The following HDAC9 variants were observed in gnomAD, a reference collection of about 807,000 sequenced individuals.
HDAC9 encodes histone deacetylase 9, also known as MEF-2 interacting transcription repressor (MITR) protein.
Under a neutral mutation model 139.4 loss-of-function variants are expected in HDAC9, and 41 were observed. That is an observed-to-expected ratio of 0.29 (90% CI 0.23 to 0.38). The LOEUF is 0.38. Ranked by LOEUF, HDAC9 falls within the 10% of genes least tolerant of loss-of-function variation. The probability of loss-of-function intolerance (pLI) is 1.00; values close to 1 mark genes in which losing one functional copy is unlikely to be tolerated. For synonymous variants in HDAC9, 517 were observed against 476.2 expected (o/e 1.09, Z -1.12); for missense variants, 1,147 against 1,297.0 (o/e 0.88, Z 1.78).
chr7:18,603,566 C>T (rs572154904), intron 6 of HDAC9, among the ~76,000 whole-genome samples: 1 of 152,032 alleles, frequency 6.6e-6, no homozygotes, highest in East Asian at 1.9e-4. Flanking sequence ...ATACAGGTAC[C>T]TTATAAAAGT....
At chr7:18,298,439 C>A (rs1289597674) in intron 1 of HDAC9, among the ~76,000 whole-genome samples, 1 of 152,070 alleles carries the variant, frequency 6.6e-6, no homozygotes, top group Non-Finnish European at 1.5e-5. Flanking sequence ...CTCCCCGCTC[C>A]CCACCCCACC....
chr7:18,327,294 A>G (rs1800530336), intron 1 of HDAC9, among the ~76,000 whole-genome samples: 2 of 151,934 alleles, frequency 1.3e-5, no homozygotes, highest in Non-Finnish European at 2.9e-5. Context: ...TAACTAAAAT[A>G]TTATTATTTT....
At chr7:18,573,999 C>T (rs1014508490) in intron 2 of HDAC9, among the ~76,000 whole-genome samples, 20 of 152,214 alleles carry the variant, frequency 1.3e-4, no homozygotes, top group African/African-American at 1.9e-4. Flanking sequence ...TGATGTGTCC[C>T]GAGTTCTTGT....
At position 18,967,661 on chromosome 7, in the gene HDAC9, G is replaced by A. The variant is rs927273027; in HGVS notation, c.3023-8145G>A. Among the ~76,000 whole-genome samples the A allele has an allele frequency of 7.2e-5, 11 of 152,176 alleles. No individual in the cohort carries two copies. The East Asian group carries it at 7.7e-4, about 11-fold the overall frequency. ...AGAGCAGGAATGTACTTAGCATTAC[G>A]TATGGAGCACACAATTTTTATAAAT... On this transcript the variant is annotated intron_variant, in intron 24 of 25. Coordinates refer to ENST00000686413, the MANE Select transcript of HDAC9 (RefSeq NM_178425.4).
intron 12 of HDAC9, among the ~76,000 whole-genome samples, chr7:18,720,821 T>C (rs1785090657): frequency 6.6e-6 from 1 of 151,944 alleles, no homozygotes; most frequent in Admixed American, 6.6e-5. Context: ...CTACAGGCAT[T>C]TGACAACACG....
At position 18,261,493 on chromosome 7, in the gene HDAC9, A is replaced by G. The variant is rs370730300; in HGVS notation, c.25+99144A>G. On this transcript the variant is annotated intron_variant, in intron 2 of 12. Coordinates refer to the HDAC9 transcript ENST00000417496. The stretch of plus-strand genomic sequence containing the variant: ...TTCAGTCCATTGGGCCAGTATATTT[A>G]TAGGATAGTCACACAAGTCCAGAAA... Among the ~76,000 whole-genome samples the G allele has an allele frequency of 7.2e-5, 11 of 152,184 alleles. No homozygotes were observed. In the East Asian group the frequency reaches 7.7e-4, roughly 11 times the overall value.
intron 1 of HDAC9, among the ~76,000 whole-genome samples, chr7:18,422,522 GTGGT>G (rs1789718368): frequency 6.6e-5 from 10 of 152,050 alleles, no homozygotes; most frequent in Non-Finnish European, 1.5e-5. Flanking sequence ...TGGACTAATA[GTGGT>G]GGTCTCTAAA....
intron 1 of HDAC9, among the ~76,000 whole-genome samples, chr7:18,349,608 T>A (rs1204986690): frequency 6.6e-6 from 1 of 152,022 alleles, no homozygotes; most frequent in African/African-American, 2.4e-5. Context: ...TGTTAGTAAT[T>A]TTATAATTTT....
At chr7:18,550,962 T>C (rs1251979198) in intron 2 of HDAC9, among the ~76,000 whole-genome samples, 2 of 152,212 alleles carry the variant, frequency 1.3e-5, no homozygotes, top group Non-Finnish European at 2.9e-5. Flanking sequence ...GAGAAAGACA[T>C]TGGCTTATTC....
At chr7:18,572,975 A>T (rs1259182393) in intron 2 of HDAC9, among the ~76,000 whole-genome samples, 1 of 152,234 alleles carries the variant, frequency 6.6e-6, no homozygotes, top group East Asian at 1.9e-4. Context: ...GGATTAAGTA[A>T]ATCAAAATAG....
chr7:18,866,180 A>G (rs1166642945), intron 21 of HDAC9, among the ~76,000 whole-genome samples: 1 of 150,614 alleles, frequency 6.6e-6, no homozygotes, highest in Non-Finnish European at 1.5e-5. Flanking sequence ...CCACAGTGAC[A>G]TTCTTTTGAT....
intron 16 of HDAC9, among the ~76,000 whole-genome samples, chr7:18,774,967 T>C (rs1790633030): frequency 6.6e-6 from 1 of 152,026 alleles, no homozygotes; most frequent in East Asian, 1.9e-4. Flanking sequence ...GTGCAACTCT[T>C]CCTTTTACTT....
chr7:18,999,032 G>C lies in HDAC9; in HGVS notation c.*2970G>C, dbSNP rs1786616410. The C allele has an allele frequency of 6.6e-6, 1 of 152,168 alleles. No homozygotes were observed. The highest frequency in any genetic ancestry group is 2.4e-5 in the African/African-American group (1 of 41,454). 9.4% of individuals were successfully genotyped at this position (152,168 alleles called of 1,614,324 possible). A position where few individuals can be genotyped will look rare whatever the true frequency, so the allele number is the denominator to read the frequency against. On this transcript the variant is annotated 3_prime_UTR_variant, in exon 26 of 26. Coordinates refer to ENST00000686413, the MANE Select transcript of HDAC9 (RefSeq NM_178425.4). ...CTATGTTACCATTGCTTAGTAAATG[G>C]AAAGAACATTGTGAGATGAACTATC...
At chr7:18,165,713 C>A (rs1787963202) in intron 2 of HDAC9, among the ~76,000 whole-genome samples, 1 of 151,522 alleles carries the variant, frequency 6.6e-6, no homozygotes, top group South Asian at 2.1e-4. Context: ...TTGCTCGAGC[C>A]CAGGAGGTCA....
At chr7:18,093,457 G>T (rs1782299013) in intron 1 of HDAC9, among the ~76,000 whole-genome samples, 1 of 152,198 alleles carries the variant, frequency 6.6e-6, no homozygotes, top group Non-Finnish European at 1.5e-5. Context: ...ACTGCAAGAT[G>T]AGGGTTAAAG....
intron 1 of HDAC9, among the ~76,000 whole-genome samples, chr7:18,326,657 C>A (rs1363446392): frequency 6.6e-6 from 1 of 151,984 alleles, no homozygotes; most frequent in Admixed American, 6.6e-5. Flanking sequence ...TTGGATTTAT[C>A]ATCACTTTTA....
intron 22 of HDAC9, among the ~76,000 whole-genome samples, chr7:18,883,060 A>G (rs1799848642): frequency 6.6e-6 from 1 of 152,182 alleles, no homozygotes; most frequent in African/African-American, 2.4e-5. Context: ...TAATGTTTTT[A>G]AAAGAAAATA....
chr7:18,741,054 A>G (rs879318316), intron 13 of HDAC9, among the ~76,000 whole-genome samples: 1 of 152,224 alleles, frequency 6.6e-6, no homozygotes. Flanking sequence ...TAAGGAAAGA[A>G]GCCGTCTCTG....
chr7:18,716,381 A>C (rs956914914), intron 12 of HDAC9, among the ~76,000 whole-genome samples: 1 of 152,242 alleles, frequency 6.6e-6, no homozygotes, highest in Non-Finnish European at 1.5e-5. Flanking sequence ...CTATTGCAAA[A>C]GACATTACTT....
Sources: gnomAD v4.1 joint callset for allele counts (sites outside exome capture counted in the v4.1 genomes callset) on GRCh38, gnomAD v4.1.1 for gene constraint, MANE v1.5 for transcripts, NCBI Gene and HGNC (gene_info 2026-07-23, HGNC 2026-07-21) for gene names.